Variants in MAMSTR observed in about 807,000 individuals in gnomAD.
MAMSTR encodes MEF2-activating motif and SAP domain-containing transcriptional regulator.
In MAMSTR, 41 loss-of-function variants were observed where a neutral mutation model predicts 42.7. The ratio of observed to expected loss-of-function variants is 0.96; its 90% CI spans 0.75 to 1.25. The LOEUF (loss-of-function observed/expected upper bound fraction) is 1.25. Among genes scored for constraint, MAMSTR ranks in the 50% most tolerant of loss-of-function variants. MAMSTR has a pLI of 0.00. For synonymous variants in MAMSTR, 265 were observed against 244.1 expected (o/e 1.09, Z -0.80); for missense variants, 567 against 557.6 (o/e 1.02, Z -0.17).
chr19:48,709,610 G>A (rs749989022), downstream of MAMSTR, among the ~76,000 whole-genome samples: 4 of 152,240 alleles, frequency 2.6e-5, no homozygotes, highest in African/African-American at 7.2e-5. Flanking sequence ...TGACAAGTGC[G>A]GGCCTCGATG....
intron 2 of MAMSTR, among the ~76,000 whole-genome samples, chr19:48,718,464 C>T (rs1341079094): frequency 1.3e-4 from 20 of 149,354 alleles, no homozygotes; most frequent in African/African-American, 4.2e-4. Flanking sequence ...CTCGGCTCAC[C>T]GCAACCTCCT....
downstream of MAMSTR, among the ~76,000 whole-genome samples, chr19:48,709,812 G>A (rs1422682341): frequency 6.6e-6 from 1 of 152,086 alleles, no homozygotes; most frequent in Non-Finnish European, 1.5e-5. Context: ...TTCAAACTAG[G>A]TAATCTCAAA....
rs1251908948 is a variant in MAMSTR at position 48,718,962 on chromosome 19, G to C, written c.58+12C>G. On this transcript the variant is annotated intron_variant, in intron 2 of 9. Transcript: ENST00000318083. The stretch of plus-strand genomic sequence containing the variant: ...ATCCCATCCCCCACGCATAAAGAGA[G>C]CCCTCTCTCACCAGATCGGAACTTG... 3 of 1,547,984 alleles carry C rather than the reference G, an allele frequency of 1.9e-6. No homozygotes were observed. Among genetic ancestry groups the C allele is most frequent in the African/African-American group, 2.7e-5 (2 of 72,956 alleles).
At chr19:48,708,566 C>G (rs1170051491), downstream of MAMSTR, among the ~76,000 whole-genome samples, 1 of 152,058 alleles carries the variant, frequency 6.6e-6, no homozygotes, top group African/African-American at 2.4e-5. Flanking sequence ...GTTGGGCGCT[C>G]GGCAGTGCCG....
At chr19:48,718,861 C>A in intron 2 of MAMSTR, 113 bp downstream of exon 2, 1 of 1,081,012 alleles carries the variant, frequency 9.3e-7, no homozygotes, top group South Asian at 1.4e-5. Context: ...TGCAACATGA[C>A]CTTTTGCACA....
At chr19:48,707,466 T>C in the MAMSTR span, among the ~76,000 whole-genome samples, 21 of 149,178 alleles carry the variant, frequency 1.4e-4, no homozygotes, top group Non-Finnish European at 3.0e-4. Flanking sequence ...GGCAAGCAGG[T>C]GCTATGGCTC....
the MAMSTR span, among the ~76,000 whole-genome samples, chr19:48,706,621 G>T: frequency 6.6e-6 from 1 of 152,036 alleles, no homozygotes; most frequent in African/African-American, 2.4e-5. Flanking sequence ...TGGGCAACAA[G>T]AGCGAAACTT....
In MAMSTR at chr19:48,713,490, G is replaced by A. The variant is rs756074161; in HGVS notation, c.1025C>T (p.Pro342Leu). ...PGSFDVLSPS[P>L]DSEGLSSVFS... ...AACAGATGAGAGGCCTTCAGAGTCC[G>A]GGGAGGGGGACAGCACGTCGAAGGA... The change falls in exon 10 of 10, where the codon CCG becomes CTG. Residue 342 changes from proline (P) to leucine (L), a missense_variant. Coordinates refer to ENST00000318083, the MANE Select transcript of MAMSTR (RefSeq NM_001130915.2). 9 of 1,612,654 alleles carry A rather than the reference G, an allele frequency of 5.6e-6. No individual in the cohort carries two copies.
At chr19:48,708,784 GAC>G (rs981459310), downstream of MAMSTR, among the ~76,000 whole-genome samples, 13 of 152,246 alleles carry the variant, frequency 8.5e-5, no homozygotes, top group Non-Finnish European at 1.5e-4. Context: ...GAGTGCCCGA[GAC>G]ACAGAGAGAT....
rs371967263 is a variant in MAMSTR at position 48,713,842 on chromosome 19, C to A, written c.909+18G>T. ...CTGACTGGAGAACCCTAGCCGGATT[C>A]AACCCACACCCTCTTACCTGCGCCC... is the stretch of plus-strand genomic sequence containing the variant. On this transcript the variant is annotated intron_variant, in intron 8 of 9. Coordinates refer to ENST00000318083, the MANE Select transcript of MAMSTR (RefSeq NM_001130915.2). 3.7e-6 allele frequency: 6 copies of A among 1,614,036 alleles called. No homozygotes were observed. Among genetic ancestry groups the A allele is most frequent in the East Asian group, 4.5e-5 (2 of 44,892 alleles).
intron 2 of MAMSTR, 41 bp from the exon 3 acceptor site, chr19:48,716,784 G>C: frequency 1.6e-6 from 2 of 1,289,764 alleles, no homozygotes; most frequent in Non-Finnish European, 2.0e-6. Flanking sequence ...AAGGCGGGAA[G>C]GGAGTGTCCA....
chr19:48,719,198 C>G lies in MAMSTR; in HGVS notation c.-21-146G>C. ...CAGCCTTGGGCCATAACTTCCGGAT[C>G]CCAGGGGCTGTAGAGGAGGGGGCTG... On this transcript the variant is annotated intron_variant, in intron 1 of 9. Transcript: ENST00000318083. This position sits in a 1 kb window ranked among gnomAD's most constrained non-coding sequence, Gnocchi z 4.4. 4 of 618,474 alleles carry G rather than the reference C, an allele frequency of 6.5e-6. No homozygotes were observed. The South Asian group carries it at 7.3e-5, about 11-fold the overall frequency. 38.3% of individuals were successfully genotyped at this position (618,474 alleles called of 1,614,324 possible). A position where few individuals can be genotyped will look rare whatever the true frequency, so the allele number is the denominator to read the frequency against.
chr19:48,706,086 G>T, the MAMSTR span: 2 of 151,564 alleles, frequency 1.3e-5, no homozygotes, highest in African/African-American at 4.8e-5. Flanking sequence ...AGGAGTTCGA[G>T]ACTAGCCTGG....
At chr19:48,710,269 TA>T (rs1213863494), downstream of MAMSTR, among the ~76,000 whole-genome samples, 104 of 102,500 alleles carry the variant, frequency 1.0e-3, no homozygotes, top group African/African-American at 4.3e-3. Flanking sequence ...CACACCTGGC[TA>T]ATTATTTTTT....
chr19:48,713,498 G>A lies in MAMSTR; in HGVS notation c.1017C>T (p.Ser339=), dbSNP rs1159663506. The stretch of plus-strand genomic sequence containing the variant: ...AGAGGCCTTCAGAGTCCGGGGAGGG[G>A]GACAGCACGTCGAAGGAGCCAGGGA... ...LDFPGSFDVL[S]PSPDSEGLSS... is the part of the protein sequence containing the mutation. The change falls in exon 10 of 10, where the codon TCC becomes TCT. Residue 339 remains serine, a synonymous_variant. Transcript: ENST00000318083. 1 of 1,612,730 alleles carries A rather than the reference G, an allele frequency of 6.2e-7. No homozygotes were observed. Among genetic ancestry groups the A allele is most frequent in the African/African-American group, 1.3e-5 (1 of 74,962 alleles).
Position 48,714,815 on chromosome 19 carries a change from C to T in MAMSTR, c.519G>A (p.Glu173=). 1 of 1,608,436 alleles carries T rather than the reference C, an allele frequency of 6.2e-7. No homozygotes were observed. The highest frequency in any genetic ancestry group is 1.1e-5 in the South Asian group (1 of 91,018). Reference sequence around the variant, plus strand: ...TACACCCCAAACTCACCGTCAGCTCCTCCAGTTTAAGGGTCTGAAGTTCCA... The same window carrying T: ...TACACCCCAAACTCACCGTCAGCTCTTCCAGTTTAAGGGTCTGAAGTTCCA... ...HKLELQTLKL[E]ELTVSELRQQ... Residue 173 remains glutamate, a synonymous_variant, in exon 6 of 10, where the codon GAG becomes GAA. Coordinates refer to ENST00000318083, the MANE Select transcript of MAMSTR (RefSeq NM_001130915.2).
intron 2 of MAMSTR, among the ~76,000 whole-genome samples, chr19:48,718,564 C>T: frequency 6.6e-6 from 1 of 151,930 alleles, no homozygotes; most frequent in Non-Finnish European, 1.5e-5. Context: ...TACTTGCAGA[C>T]TTTTTGCCTG....
rs1431761881 is a variant in MAMSTR at position 48,713,994 on chromosome 19, T to C, written c.775A>G (p.Thr259Ala). 1.2e-6 allele frequency: 2 copies of C among 1,611,278 alleles called. No individual in the cohort carries two copies. Among genetic ancestry groups the C allele is most frequent in the Admixed American group, 3.3e-5 (2 of 59,822 alleles). The change falls in exon 8 of 10, where the codon ACC becomes GCC. Residue 259 changes from threonine to alanine, a missense_variant. Transcript: ENST00000318083. ...GTTGGAGCCGGAGCCGTCCCCGGGG[T>C]ATCCGCGGCACGTGGAAGAGGTGGC... Reference protein sequence around the residue: ...HRPPLPRAADTPGTAPAPTPT... With the variant: ...HRPPLPRAADAPGTAPAPTPT...
At chr19:48,715,508 T>C (rs2032975084) in intron 4 of MAMSTR, 62 bp from the exon 5 acceptor site, 1 of 1,463,944 alleles carries the variant, frequency 6.8e-7, no homozygotes, top group South Asian at 1.4e-5. Context: ...GCCCCAGGAC[T>C]ACATGCAAAG....
Sources: gnomAD v4.1 joint callset for allele counts (sites outside exome capture counted in the v4.1 genomes callset) on GRCh38, gnomAD v4.1.1 for gene constraint, Gnocchi (gnomAD v3.1) non-coding constraint, MANE v1.5 for transcripts, NCBI Gene and HGNC (gene_info 2026-07-23, HGNC 2026-07-21) for gene names.